SLC1A7: variants seen among roughly 807,000 people sequenced by gnomAD.
SLC1A7 encodes solute carrier family 1 member 7, also known as excitatory amino acid transporter 5.
In SLC1A7, 40 loss-of-function variants were observed where a neutral mutation model predicts 47.7. The ratio of observed to expected loss-of-function variants is 0.84; its 90% confidence interval spans 0.65 to 1.09. The LOEUF (loss-of-function observed/expected upper bound fraction) is 1.09, where lower values mean the gene tolerates loss of function less well. Among genes scored for constraint, SLC1A7 ranks in the 50% least tolerant of loss-of-function variants. The pLI is 0.00. For missense variants in SLC1A7, 746 were observed against 769.5 expected (o/e 0.97, Z 0.36); for synonymous variants, 323 against 325.6 (o/e 0.99, Z 0.09).
intron 2 of SLC1A7, among the ~76,000 whole-genome samples, chr1:53,126,295 G>A (rs771280615): frequency 8.5e-5 from 13 of 152,258 alleles, no homozygotes; most frequent in Non-Finnish European, 1.6e-4. Context: ...CCTCACCTGG[G>A]GAAGAGCCCT....
intron 5 of SLC1A7, among the ~76,000 whole-genome samples, chr1:53,094,730 G>C (rs1348898210): frequency 1.3e-5 from 2 of 152,184 alleles, no homozygotes; most frequent in African/African-American, 4.8e-5. Context: ...TGCCGGCTCC[G>C]CCCTCCCCGG....
chr1:53,142,238 C>T lies in SLC1A7; in HGVS notation c.135+77G>A, dbSNP rs137861340. The T allele has an allele frequency of 1.9e-3, 2,840 of 1,476,332 alleles. 40 individuals carry two copies. In the African/African-American group the frequency reaches 0.036, roughly 19 times the overall value. 91.5% of individuals were successfully genotyped at this position (1,476,332 alleles called of 1,614,324 possible). A position where few individuals can be genotyped will look rare whatever the true frequency, so the allele number is the denominator to read the frequency against. ...GTCATGGCACCAGGGAGCTGTGATG[C>T]TAGAACGGGACCCCAGATCCCTCAG... On this transcript the variant is annotated intron_variant, in intron 1 of 10. Transcript: ENST00000371494.
At chr1:53,141,138 C>T (rs910448604) in intron 1 of SLC1A7, among the ~76,000 whole-genome samples, 2 of 152,146 alleles carry the variant, frequency 1.3e-5, no homozygotes, top group African/African-American at 4.8e-5. Flanking sequence ...TGTCTTCAGC[C>T]TGCATAGTCC....
intron 3 of SLC1A7, among the ~76,000 whole-genome samples, chr1:53,111,593 C>T (rs915736855): frequency 6.6e-6 from 1 of 152,100 alleles, no homozygotes; most frequent in Non-Finnish European, 1.5e-5. Flanking sequence ...ACAGAATTTG[C>T]TGAGGAACTG....
rs1458527782 is a variant in SLC1A7 at position 53,129,681 on chromosome 1, T to A, written c.215+4669A>T. ...TGGGCCTCCTTTCTCCAGAGCAAGG[T>A]GTGCCTGTGACCCCTCCATGGCAGC... is the stretch of plus-strand genomic sequence containing the variant. On this transcript the variant is annotated intron_variant, in intron 2 of 10. Coordinates refer to ENST00000371494, the MANE Select transcript of SLC1A7 (RefSeq NM_006671.6). Among the ~76,000 whole-genome samples, 2 of 141,498 alleles carry A rather than the reference T, an allele frequency of 1.4e-5. 1 individual carries two copies. The highest frequency in any genetic ancestry group is 3.1e-5 in the Non-Finnish European group (2 of 64,204). 92.8% of individuals were successfully genotyped at this position (141,498 alleles called of 152,430 possible).
In SLC1A7 at chr1:53,107,239, A is replaced by G. The variant is rs115945105; in HGVS notation, c.432-1465T>C. On this transcript the variant is annotated intron_variant, in intron 3 of 10. Coordinates refer to ENST00000371494, the MANE Select transcript of SLC1A7 (RefSeq NM_006671.6). ...GGTTGAGATCTTATCATGTCTCAGT[A>G]TAGGAAATGACTCTCTAAGAACAAA... is the stretch of plus-strand genomic sequence containing the variant. Among the ~76,000 whole-genome samples, 1,049 of 151,922 alleles carry G rather than the reference A, an allele frequency of 6.9e-3. 13 individuals carry two copies. The highest frequency in any genetic ancestry group is 0.024 in the African/African-American group (988 of 41,426).
At chr1:53,139,382 T>C (rs972859475) in intron 1 of SLC1A7, among the ~76,000 whole-genome samples, 2 of 152,206 alleles carry the variant, frequency 1.3e-5, no homozygotes, top group Non-Finnish European at 2.9e-5. Flanking sequence ...GACAAGGATG[T>C]CTGTTAATTA....
At chr1:53,088,321 G>A (rs1644382604) in intron 10 of SLC1A7, 94 bp from the exon 11 acceptor site, 4 of 1,030,910 alleles carry the variant, frequency 3.9e-6, no homozygotes, top group East Asian at 2.7e-5. Context: ...TGAGCTCAGG[G>A]CTAGGAACCA....
chr1:53,108,882 C>A (rs535586549), intron 3 of SLC1A7, among the ~76,000 whole-genome samples: 2 of 152,196 alleles, frequency 1.3e-5, no homozygotes, highest in East Asian at 3.9e-4. Context: ...ATACTAATAA[C>A]CAATGAATTT....
rs775816118 is a variant in SLC1A7 at position 53,092,788 on chromosome 1, C to G, written c.798-1G>C. 6.2e-7 allele frequency: 1 copy of G among 1,604,418 alleles called. No homozygotes were observed. Among genetic ancestry groups the G allele is most frequent in the South Asian group, 1.1e-5 (1 of 90,922 alleles). ...GAACACAATGCCGAAGGGGAAATAC[C>G]TGGGGGCGGCGGGGCAGCCAGGCTC... On this transcript the variant is annotated splice_acceptor_variant, in intron 6 of 10. Coordinates refer to ENST00000371494, the MANE Select transcript of SLC1A7 (RefSeq NM_006671.6). LOFTEE classifies it high-confidence loss of function.
intron 3 of SLC1A7, among the ~76,000 whole-genome samples, chr1:53,112,531 C>G (rs1002618866): frequency 6.6e-6 from 1 of 152,232 alleles, no homozygotes; most frequent in African/African-American, 2.4e-5. Flanking sequence ...TGGGTGGGAG[C>G]CTGTGTATGG....
intron 2 of SLC1A7, among the ~76,000 whole-genome samples, chr1:53,120,957 C>T (rs1048315352): frequency 8.5e-5 from 13 of 152,278 alleles, no homozygotes; most frequent in Non-Finnish European, 1.5e-4. Context: ...GGGCATGTGA[C>T]TGGGCCTGGG....
chr1:53,119,981 C>T (rs576861350), intron 2 of SLC1A7, among the ~76,000 whole-genome samples: 1 of 152,314 alleles, frequency 6.6e-6, no homozygotes, highest in African/African-American at 2.4e-5. Context: ...CAGGGAAGAG[C>T]CTCTGGGAGT....
chr1:53,097,365 C>T (rs1644507580), intron 5 of SLC1A7, among the ~76,000 whole-genome samples: 1 of 141,660 alleles, frequency 7.1e-6, no homozygotes. Flanking sequence ...ACACACACCC[C>T]CTCGGTACAC....
chr1:53,138,551 A>G (rs1329396135), intron 1 of SLC1A7, among the ~76,000 whole-genome samples: 1 of 110,910 alleles, frequency 9.0e-6, no homozygotes, highest in Non-Finnish European at 1.9e-5. Context: ...TTTTTTTTGG[A>G]GATGGGGTCT....
rs745860123 is a variant in SLC1A7, at chr1:53,088,021, C to A, written c.1671G>T (p.Glu557Asp). The change falls in exon 11 of 11, where the codon GAG (glutamate) becomes GAT (aspartate). Residue 557 changes from glutamate (E) to aspartate (D), a missense_variant. Physicochemically the swap from Glu to Asp is conservative, Grantham distance 45. Coordinates refer to ENST00000371494, the MANE Select transcript of SLC1A7 (RefSeq NM_006671.6). ...NHCTIQISELETNV is the reference protein window; with the variant it reads ...NHCTIQISELDTNV ...CAGCTCCGCAGGCTCAGACATTGGTCTCCAGCTCACTGATCTGGATGGTGC... is the reference window on the plus strand; with the variant it reads ...CAGCTCCGCAGGCTCAGACATTGGTATCCAGCTCACTGATCTGGATGGTGC... 6.6e-7 allele frequency: 1 copy of A among 1,512,784 alleles called. No individual in the cohort carries two copies. The highest frequency in any genetic ancestry group is 8.9e-7 in the Non-Finnish European group (1 of 1,122,266). The allele number at this position is 1,512,784 out of a possible 1,614,324, so 93.7% of individuals were successfully genotyped here. A position where few individuals can be genotyped will look rare whatever the true frequency, so the allele number is the denominator to read the frequency against.
At position 53,088,892 on chromosome 1, in the gene SLC1A7, C is replaced by T; in HGVS notation, c.1449G>A (p.Arg483=). 1 of 1,613,756 alleles carries T rather than the reference C, an allele frequency of 6.2e-7. No individual in the cohort carries two copies. The highest frequency in any genetic ancestry group is 8.5e-7 in the Non-Finnish European group (1 of 1,179,756). ...MAHICRKDFA[R]DTGTEKLLPC... is the part of the protein sequence containing the mutation. The stretch of plus-strand genomic sequence containing the variant: ...CTGCTCTCACCTCGGTGCCTGTGTC[C>T]CGGGCAAAATCCTTCCGACATATAT... The change falls in exon 10 of 11, where the codon CGG becomes CGA. Residue 483 remains arginine, a synonymous_variant. Coordinates refer to ENST00000371494, the MANE Select transcript of SLC1A7 (RefSeq NM_006671.6).
chr1:53,108,425 G>T, intron 3 of SLC1A7: 1 of 615,966 alleles, frequency 1.6e-6, no homozygotes, highest in Non-Finnish European at 2.9e-6. Context: ...TGCCTATGCA[G>T]TCTCCATTCT....
At chr1:53,137,345 C>A (rs1645012905) in intron 1 of SLC1A7, among the ~76,000 whole-genome samples, 1 of 151,250 alleles carries the variant, frequency 6.6e-6, no homozygotes, top group South Asian at 2.1e-4. Context: ...CTCTCTCTAT[C>A]CCTATCTTGC....
Sources: gnomAD v4.1 joint callset for allele counts (sites outside exome capture counted in the v4.1 genomes callset) on GRCh38, gnomAD v4.1.1 for gene constraint, MANE v1.5 for transcripts, NCBI Gene and HGNC (gene_info 2026-07-23, HGNC 2026-07-21) for gene names.